The following WWOX variants were observed in gnomAD, a reference collection of about 807,000 sequenced individuals.
WWOX encodes the protein WW domain containing oxidoreductase.
Under a neutral mutation model 46.2 loss-of-function variants are expected in WWOX, and 69 were observed. The ratio of observed to expected loss-of-function variants is 1.49; its 90% CI spans 1.23 to 1.82. The LOEUF (loss-of-function observed/expected upper bound fraction) is 1.82, where lower values mean the gene tolerates loss of function less well. Ranked by LOEUF, WWOX falls within the 40% of genes most tolerant of loss-of-function variation. The pLI, the probability that WWOX is intolerant of heterozygous loss-of-function variation, is 0.00. For synonymous variants in WWOX, 359 were observed against 202.6 expected (o/e 1.77, Z -6.56); for missense variants, 919 against 542.6 (o/e 1.69, Z -6.89).
At chr16:78,784,416 A>T (rs34032343) in intron 8 of WWOX, among the ~76,000 whole-genome samples, 1 of 151,978 alleles carries the variant, frequency 6.6e-6, no homozygotes, top group East Asian at 1.9e-4. Flanking sequence ...TTCTCCACCC[A>T]GGAGCCCTTA....
intron 8 of WWOX, among the ~76,000 whole-genome samples, chr16:78,940,129 A>C (rs1177124605): frequency 1.2e-4 from 19 of 152,314 alleles, no homozygotes; most frequent in Non-Finnish European, 7.4e-5. Context: ...GAGACTTGGG[A>C]CAATAATATA....
intron 8 of WWOX, among the ~76,000 whole-genome samples, chr16:78,951,498 GT>G (rs2046058998): frequency 6.9e-6 from 1 of 145,076 alleles, no homozygotes; most frequent in Non-Finnish European, 1.5e-5. Flanking sequence ...AGACTGTGAG[GT>G]ATGAAGTACC....
chr16:78,321,102 CTT>C (rs1738130387), intron 5 of WWOX, among the ~76,000 whole-genome samples: 2 of 151,894 alleles, frequency 1.3e-5, no homozygotes, highest in African/African-American at 4.8e-5. Flanking sequence ...ACCAGAGTGT[CTT>C]TTAAAGCGTA....
chr16:78,498,584 A>T lies in WWOX; in HGVS notation c.1056+65832A>T, dbSNP rs183078825. 1.9e-3 allele frequency among the ~76,000 whole-genome samples: 294 copies of T among 152,308 alleles called. 1 individual carries two copies. The highest frequency in any genetic ancestry group is 2.8e-3 in the Non-Finnish European group (188 of 68,028). ...TGGCCTAAAGGGTAATGAGCAACAC[A>T]CAAGGATTGGGAGATGTTCATGGCA... is the stretch of plus-strand genomic sequence containing the variant. On this transcript the variant is annotated intron_variant, in intron 8 of 8. Coordinates refer to ENST00000566780, the MANE Select transcript of WWOX (RefSeq NM_016373.4).
intron 8 of WWOX, among the ~76,000 whole-genome samples, chr16:78,531,128 T>C (rs1346198922): frequency 6.6e-6 from 1 of 152,206 alleles, no homozygotes; most frequent in East Asian, 1.9e-4. Flanking sequence ...GGCATCTTTT[T>C]GGTAGAGAAC....
At chr16:78,550,627 C>G (rs1380927242) in intron 8 of WWOX, 3 of 152,158 alleles carry the variant, frequency 2.0e-5, no homozygotes, top group East Asian at 3.9e-4. Flanking sequence ...TGACATAACT[C>G]AAAGTGCTTG....
intron 8 of WWOX, among the ~76,000 whole-genome samples, chr16:79,033,202 A>ATG (rs1375290775): frequency 7.5e-6 from 1 of 133,978 alleles, no homozygotes; most frequent in Non-Finnish European, 1.6e-5. Context: ...ATATATAAAT[A>ATG]TGTGTATATA....
chr16:78,124,743 A>G (rs953768303), intron 4 of WWOX, among the ~76,000 whole-genome samples: 6 of 152,106 alleles, frequency 3.9e-5, no homozygotes, highest in African/African-American at 1.4e-4. Flanking sequence ...TCTTTGAGTT[A>G]TTTGCTCACC....
chr16:78,601,558 T>G (rs2045623599), intron 8 of WWOX, among the ~76,000 whole-genome samples: 2 of 152,188 alleles, frequency 1.3e-5, no homozygotes, highest in Admixed American at 1.3e-4. Flanking sequence ...TCTTTTTATA[T>G]AAGCACTTTC....
chr16:78,186,983 T>C (rs1402758561), intron 5 of WWOX, among the ~76,000 whole-genome samples: 2 of 152,176 alleles, frequency 1.3e-5, no homozygotes, highest in Non-Finnish European at 2.9e-5. Flanking sequence ...AGTGTTTGCA[T>C]GTACTCATTT....
At chr16:78,674,583 C>G (rs543793336) in intron 8 of WWOX, among the ~76,000 whole-genome samples, 35 of 152,262 alleles carry the variant, frequency 2.3e-4, no homozygotes, top group African/African-American at 8.4e-4. Flanking sequence ...CAGCACCCAG[C>G]CAGAACTTCA....
intron 5 of WWOX, among the ~76,000 whole-genome samples, chr16:78,170,702 A>T (rs1300044435): frequency 2.0e-5 from 3 of 152,214 alleles, no homozygotes; most frequent in Non-Finnish European, 4.4e-5. Flanking sequence ...TTAACTATTT[A>T]TGTGATTGCT....
chr16:78,717,713 C>T (rs1474412968), intron 8 of WWOX, among the ~76,000 whole-genome samples: 1 of 152,184 alleles, frequency 6.6e-6, no homozygotes, highest in Admixed American at 6.5e-5. Flanking sequence ...TTCTTTGATA[C>T]TCCAATGCCG....
At chr16:78,833,149 C>T (rs1159357302) in intron 8 of WWOX, among the ~76,000 whole-genome samples, 3 of 151,974 alleles carry the variant, frequency 2.0e-5, no homozygotes, top group African/African-American at 7.3e-5. Context: ...TCAAGCGATC[C>T]TCCAGCCTCT....
At chr16:78,269,263 A>G (rs1169102594) in intron 5 of WWOX, 1 of 152,230 alleles carries the variant, frequency 6.6e-6, no homozygotes, top group African/African-American at 2.4e-5. Flanking sequence ...GCTGCAAGAC[A>G]TAGCATAGGT....
chr16:78,871,241 G>A (rs1234214043), intron 8 of WWOX, among the ~76,000 whole-genome samples: 3 of 151,932 alleles, frequency 2.0e-5, no homozygotes, highest in Non-Finnish European at 2.9e-5. Context: ...GACAGAAAGA[G>A]GGGGGATTTT....
At chr16:79,100,558 T>C (rs2049171327) in intron 8 of WWOX, among the ~76,000 whole-genome samples, 2 of 152,180 alleles carry the variant, frequency 1.3e-5, no homozygotes, top group African/African-American at 4.8e-5. Context: ...TTGATGGCTC[T>C]GCACAGACAG....
chr16:79,136,163 A>G (rs541552992), intron 8 of WWOX, among the ~76,000 whole-genome samples: 1 of 152,206 alleles, frequency 6.6e-6, no homozygotes, highest in South Asian at 2.1e-4. Context: ...GGAAATATTT[A>G]TACCTGAAAG....
chr16:78,601,230 T>C (rs991475242), intron 8 of WWOX, among the ~76,000 whole-genome samples: 2 of 152,300 alleles, frequency 1.3e-5, no homozygotes, highest in Middle Eastern at 3.4e-3. Context: ...ACCTGCCTTA[T>C]TTTACTCACC....
Sources: allele counts gnomAD v4.1 joint callset (sites outside exome capture counted in the v4.1 genomes callset), GRCh38; gene constraint gnomAD v4.1.1; transcripts MANE v1.5; gene names NCBI Gene and HGNC (gene_info 2026-07-23, HGNC 2026-07-21).